Variants in UCK2 observed in about 807,000 individuals in gnomAD.
The protein encoded by UCK2 is cytidine monophosphokinase 2.
In UCK2, 6 loss-of-function variants were observed where a neutral mutation model predicts 30.8. The ratio of observed to expected loss-of-function variants is 0.19; its 90% CI spans 0.11 to 0.38. The LOEUF (loss-of-function observed/expected upper bound fraction) is 0.38, where lower values mean the gene tolerates loss of function less well. Ranked by LOEUF, UCK2 falls within the 10% of genes least tolerant of loss-of-function variation. The pLI is 1.00. For synonymous variants in UCK2, 125 were observed against 133.6 expected (o/e 0.94, Z 0.45); for missense variants, 210 against 339.8 (o/e 0.62, Z 3.00).
At chr1:165,848,775 T>C (rs1220400040) in intron 1 of UCK2, among the ~76,000 whole-genome samples, 1 of 152,152 alleles carries the variant, frequency 6.6e-6, no homozygotes, top group Non-Finnish European at 1.5e-5. Flanking sequence ...TATCTGCCCT[T>C]CACGTCTTTA....
chr1:165,835,402 A>G (rs914577259), intron 1 of UCK2, among the ~76,000 whole-genome samples: 34 of 151,956 alleles, frequency 2.2e-4, no homozygotes, highest in African/African-American at 3.4e-4. Flanking sequence ...GTGTCTCACT[A>G]TGTTGCCCAG....
At chr1:165,904,928 T>A (rs1310537214) in intron 5 of UCK2, among the ~76,000 whole-genome samples, 2 of 152,242 alleles carry the variant, frequency 1.3e-5, no homozygotes, top group African/African-American at 2.4e-5. Context: ...GGCCTGACTT[T>A]CTTTCTTTAA....
chr1:165,842,151 G>C (rs1654345728), intron 1 of UCK2, among the ~76,000 whole-genome samples: 2 of 152,082 alleles, frequency 1.3e-5, no homozygotes, highest in African/African-American at 4.8e-5. Context: ...ACTGCTCTTG[G>C]CTGGTTGGCT....
At chr1:165,831,027 G>C (rs1003490186) in intron 1 of UCK2, among the ~76,000 whole-genome samples, 1 of 152,142 alleles carries the variant, frequency 6.6e-6, no homozygotes, top group Non-Finnish European at 1.5e-5. Context: ...AGGAATGCTT[G>C]AGTATGGGAG....
chr1:165,899,137 G>A (rs1254027946), intron 4 of UCK2, among the ~76,000 whole-genome samples: 1 of 152,160 alleles, frequency 6.6e-6, no homozygotes, highest in Non-Finnish European at 1.5e-5. Context: ...ACCCTCCTGG[G>A]CATGTGACCT....
intron 1 of UCK2, among the ~76,000 whole-genome samples, chr1:165,830,318 A>T (rs115482898): frequency 0.027 from 2,850 of 107,232 alleles, 79 homozygotes; most frequent in African/African-American, 0.11. Flanking sequence ...TTTAATCTTT[A>T]TTTTTTTTAT....
At chr1:165,885,787 C>G (rs1655600748) in intron 1 of UCK2, among the ~76,000 whole-genome samples, 1 of 152,122 alleles carries the variant, frequency 6.6e-6, no homozygotes, top group South Asian at 2.1e-4. Flanking sequence ...GATAATAATT[C>G]CCATCACATA....
chr1:165,846,544 AAG>A (rs1285716475), intron 1 of UCK2, among the ~76,000 whole-genome samples: 1 of 152,192 alleles, frequency 6.6e-6, no homozygotes, highest in Non-Finnish European at 1.5e-5. Context: ...CCTGTAGGTC[AAG>A]AGTTTTTAGA....
intron 1 of UCK2, among the ~76,000 whole-genome samples, chr1:165,867,628 A>G (rs901464472): frequency 2.6e-5 from 4 of 152,244 alleles, no homozygotes; most frequent in African/African-American, 9.6e-5. Context: ...AAACTTGTTC[A>G]TCATAAGAAA....
rs1654909044 is a variant in UCK2, at chr1:165,861,657, A to AAAG, written c.100-28545_100-28544insGAA. 3.6e-5 allele frequency among the ~76,000 whole-genome samples: 2 copies of AAAG among 55,762 alleles called. 1 individual carries two copies. Among genetic ancestry groups the AAAG allele is most frequent in the Non-Finnish European group, 7.5e-5 (2 of 26,596 alleles). 36.6% of individuals were successfully genotyped at this position (55,762 alleles called of 152,430 possible). ...AAAAAAAAAAAAAAAAAACAAAAAA[A>AAAG]AACAACAGTAAAACTCAATAGCTCT... On this transcript the variant is annotated intron_variant, in intron 1 of 6. Coordinates refer to ENST00000367879, the MANE Select transcript of UCK2 (RefSeq NM_012474.5).
chr1:165,833,762 C>G (rs1445041297), intron 1 of UCK2, among the ~76,000 whole-genome samples: 1 of 152,056 alleles, frequency 6.6e-6, no homozygotes, highest in Non-Finnish European at 1.5e-5. Flanking sequence ...AAATCTTAGA[C>G]TTGTATTTCA....
intron 1 of UCK2, among the ~76,000 whole-genome samples, chr1:165,842,378 C>A (rs999732334): frequency 1.3e-5 from 2 of 152,182 alleles, no homozygotes; most frequent in African/African-American, 4.8e-5. Context: ...ATTTCCACAT[C>A]ATGTTCTTCA....
At chr1:165,856,323 A>G (rs1056625113) in intron 1 of UCK2, among the ~76,000 whole-genome samples, 25 of 152,180 alleles carry the variant, frequency 1.6e-4, no homozygotes, top group Admixed American at 9.2e-4. Flanking sequence ...TATGGTACTA[A>G]GTACCGTCTG....
At chr1:165,895,871 T>C in intron 3 of UCK2, 1 of 228,024 alleles carries the variant, frequency 4.4e-6, no homozygotes, top group Non-Finnish European at 8.3e-6. Flanking sequence ...TCACATCTGT[T>C]TTTGTCTGCC....
At chr1:165,885,236 A>G (rs748281282) in intron 1 of UCK2, 8 of 393,830 alleles carry the variant, frequency 2.0e-5, no homozygotes, top group African/African-American at 4.1e-5. Context: ...AGTTAGACCT[A>G]TGGTTTGAGA....
intron 1 of UCK2, among the ~76,000 whole-genome samples, chr1:165,837,120 C>G (rs1654214730): frequency 6.6e-6 from 1 of 152,168 alleles, no homozygotes. Flanking sequence ...GCAAACACCT[C>G]CCATCAGGCC....
chr1:165,827,767 G>T lies in UCK2; in HGVS notation c.-67G>T. 1 of 1,268,984 alleles carries T rather than the reference G, an allele frequency of 7.9e-7. No homozygotes were observed. Among genetic ancestry groups the T allele is most frequent in the South Asian group, 2.6e-5 (1 of 37,922 alleles). The allele number at this position is 1,268,984 out of a possible 1,614,324, so 78.6% of individuals were successfully genotyped here. On this transcript the variant is annotated 5_prime_UTR_variant, in exon 1 of 7. Coordinates refer to ENST00000367879, the MANE Select transcript of UCK2 (RefSeq NM_012474.5). ...CGGCTGCGGAAAGCGGAGGGAGTCCGACGCGGGCGCGGGCGGGGAGCGTGC... is the reference window on the plus strand; with the variant it reads ...CGGCTGCGGAAAGCGGAGGGAGTCCTACGCGGGCGCGGGCGGGGAGCGTGC...
intron 1 of UCK2, among the ~76,000 whole-genome samples, chr1:165,879,898 T>A (rs1262581701): frequency 6.6e-6 from 1 of 152,226 alleles, no homozygotes; most frequent in Non-Finnish European, 1.5e-5. Flanking sequence ...TGCTTGGCAT[T>A]GCTTTCTCTT....
chr1:165,851,195 C>T (rs1392114671), intron 1 of UCK2, among the ~76,000 whole-genome samples: 1 of 152,192 alleles, frequency 6.6e-6, no homozygotes, highest in Non-Finnish European at 1.5e-5. Flanking sequence ...TGTCTGAGAT[C>T]ATGTGCCCCC....
Sources: gnomAD v4.1 joint callset for allele counts (sites outside exome capture counted in the v4.1 genomes callset) on GRCh38, gnomAD v4.1.1 for gene constraint, MANE v1.5 for transcripts, NCBI Gene and HGNC (gene_info 2026-07-23, HGNC 2026-07-21) for gene names.